The following VWA3B variants were observed in gnomAD, a reference collection of about 807,000 sequenced individuals.
The protein encoded by VWA3B is von Willebrand factor A domain-containing protein 3B.
Under a neutral mutation model 158.3 loss-of-function variants are expected in VWA3B, and 138 were observed. That is an observed-to-expected ratio of 0.87 (90% confidence interval 0.76 to 1.00). VWA3B has a LOEUF of 1.00. Among genes scored for constraint, VWA3B ranks in the 50% least tolerant of loss-of-function variants. The probability of loss-of-function intolerance (pLI) is 0.00; values close to 1 mark genes in which losing one functional copy is unlikely to be tolerated. For synonymous variants in VWA3B, 596 were observed against 587.3 expected (o/e 1.01, Z -0.21); for missense variants, 1,555 against 1,565.1 (o/e 0.99, Z 0.11).
At chr2:98,142,351 G>T (rs73963241) in intron 7 of VWA3B, among the ~76,000 whole-genome samples, 11,697 of 152,100 alleles carry the variant, frequency 0.077, 483 homozygotes, top group East Asian at 0.11. Context: ...TTCTCTTGGG[G>T]CCTGTCTCCT....
chr2:98,204,276 T>C (rs1682821993), intron 12 of VWA3B, among the ~76,000 whole-genome samples: 1 of 152,318 alleles, frequency 6.6e-6, no homozygotes, highest in East Asian at 1.9e-4. Context: ...TTGCAGCGGA[T>C]AGAACTTCCA....
intron 21 of VWA3B, among the ~76,000 whole-genome samples, chr2:98,263,666 C>T (rs1434090202): frequency 1.3e-5 from 2 of 151,970 alleles, no homozygotes; most frequent in Non-Finnish European, 2.9e-5. Context: ...ATTTTTGCAT[C>T]ACTGTTCACC....
intron 12 of VWA3B, among the ~76,000 whole-genome samples, chr2:98,196,239 T>C (rs1284441040): frequency 6.6e-6 from 1 of 152,164 alleles, no homozygotes; most frequent in Non-Finnish European, 1.5e-5. Flanking sequence ...ATGTATTGTA[T>C]ACTTGAAAAT....
At chr2:98,266,487 C>T (rs1368562689) in intron 21 of VWA3B, among the ~76,000 whole-genome samples, 1 of 150,882 alleles carries the variant, frequency 6.6e-6, no homozygotes, top group East Asian at 1.9e-4. Context: ...TGTGATGCCT[C>T]CAGCTTTGTT....
intron 7 of VWA3B, among the ~76,000 whole-genome samples, chr2:98,150,058 T>C (rs1677499012): frequency 6.6e-6 from 1 of 152,266 alleles, no homozygotes; most frequent in South Asian, 2.1e-4. Flanking sequence ...TTATCAACTT[T>C]TAGGCCTCAT....
chr2:98,212,812 T>A (rs929521111), intron 13 of VWA3B, among the ~76,000 whole-genome samples: 27 of 37,518 alleles, frequency 7.2e-4, no homozygotes, highest in African/African-American at 2.7e-3. Flanking sequence ...TTATTTAAAA[T>A]TTTTTTTCCT....
chr2:98,231,096 T>C (rs1263094453), intron 16 of VWA3B, among the ~76,000 whole-genome samples: 1 of 152,236 alleles, frequency 6.6e-6, no homozygotes, highest in African/African-American at 2.4e-5. Context: ...CAGAATCTGT[T>C]TGCTGAAAAT....
Position 98,188,092 on chromosome 2 carries a change from G to C in VWA3B, c.1429G>C (p.Glu477Gln). ...CAAAGAGAAGTGCAAGTGGTACAGT[G>C]AGAGAATCCACACAGCCCTGGCCCG... ...ITKEKCKWYS[E>Q]RIHTALARIR... is the part of the protein sequence containing the mutation. The change falls in exon 10 of 28, where the codon GAG (glutamate) becomes CAG (glutamine). Residue 477 changes from glutamate to glutamine, a missense_variant. Transcript: ENST00000477737. 1 of 1,613,932 alleles carries C rather than the reference G, an allele frequency of 6.2e-7. No homozygotes were observed. The highest frequency in any genetic ancestry group is 8.5e-7 in the Non-Finnish European group (1 of 1,179,884).
At position 98,234,725 on chromosome 2, in the gene VWA3B, C is replaced by A. The variant is rs763669671; in HGVS notation, c.2386C>A (p.Leu796Ile). The A allele has an allele frequency of 1.3e-5, 21 of 1,614,066 alleles. No individual in the cohort carries two copies. Among genetic ancestry groups the A allele is most frequent in the Non-Finnish European group, 1.8e-5 (21 of 1,180,044 alleles). The change falls in exon 17 of 28, where the codon CTC becomes ATC. Residue 796 changes from leucine to isoleucine, a missense_variant. Leu to Ile is a conservative substitution (Grantham distance 5). Coordinates refer to ENST00000477737, the MANE Select transcript of VWA3B (RefSeq NM_144992.5). ...SSACSERKDG[L>I]SNASSRRTAL... The stretch of plus-strand genomic sequence containing the variant: ...AGCTTGCAGTGAAAGGAAGGATGGC[C>A]TCTCCAATGCCAGCAGCCGGAGGAC...
intron 14 of VWA3B, among the ~76,000 whole-genome samples, chr2:98,227,296 T>C (rs1684993516): frequency 6.6e-6 from 1 of 152,062 alleles, no homozygotes; most frequent in African/African-American, 2.4e-5. Flanking sequence ...CCATTCACAA[T>C]TGCTATAAAG....
At chr2:98,239,620 G>A (rs1445847461) in intron 19 of VWA3B, among the ~76,000 whole-genome samples, 1 of 151,452 alleles carries the variant, frequency 6.6e-6, no homozygotes, top group Non-Finnish European at 1.5e-5. Context: ...AAAATGTTAA[G>A]AAAAACAGAC....
At chr2:98,230,676 C>T (rs1317724126) in intron 16 of VWA3B, among the ~76,000 whole-genome samples, 5 of 152,156 alleles carry the variant, frequency 3.3e-5, no homozygotes, top group South Asian at 2.1e-4. Flanking sequence ...CTCCCTTGCA[C>T]ACCCTTCCTA....
chr2:98,216,264 T>A (rs910830450), intron 13 of VWA3B, among the ~76,000 whole-genome samples: 5 of 152,258 alleles, frequency 3.3e-5, no homozygotes, highest in Non-Finnish European at 5.9e-5. Flanking sequence ...ATTGGATAAG[T>A]GTCCTTTGGT....
At chr2:98,092,814 TTGTATATA>T (rs1682419201) in intron 1 of VWA3B, among the ~76,000 whole-genome samples, 3 of 84,964 alleles carry the variant, frequency 3.5e-5, no homozygotes, top group Non-Finnish European at 7.1e-5. Context: ...CTAGATGTTT[TTGTATATA>T]TATATATATA....
At chr2:98,162,319 A>T (rs1002552669) in intron 7 of VWA3B, among the ~76,000 whole-genome samples, 2 of 152,186 alleles carry the variant, frequency 1.3e-5, no homozygotes, top group Non-Finnish European at 1.5e-5. Flanking sequence ...ATGTCATTTT[A>T]AAAAAGTGTT....
rs370957308 is a variant in VWA3B, at chr2:98,230,152, G to A, written c.2253G>A (p.Lys751=). 1.9e-5 allele frequency: 31 copies of A among 1,607,872 alleles called. No homozygotes were observed. The highest frequency in any genetic ancestry group is 2.5e-5 in the Non-Finnish European group (30 of 1,178,536). Residue 751 remains lysine, a synonymous_variant, in exon 16 of 28, where the codon AAG becomes AAA. Transcript: ENST00000477737. ...AAACTTCATCTCTGAATATGTTGAA[G>A]GGACCATGGGGCCTTTCAGATCAAA... ...STQTSSLNML[K]GPWGLSDQKV... is the part of the protein sequence containing the mutation.
At chr2:98,133,741 G>A in intron 6 of VWA3B, 83 bp from the exon 7 acceptor site, 1 of 1,183,014 alleles carries the variant, frequency 8.5e-7, no homozygotes, top group South Asian at 1.3e-5. Flanking sequence ...CTGCCGAAGA[G>A]CACGTTCAGT....
chr2:98,112,302 GGGT>G lies in VWA3B; in HGVS notation c.197-3348_197-3346del, dbSNP rs1573792505. Among the ~76,000 whole-genome samples, 224 of 148,320 alleles carry G rather than the reference GGGT, an allele frequency of 1.5e-3. 1 individual carries two copies. Among genetic ancestry groups the G allele is most frequent in the African/African-American group, 5.1e-3 (204 of 39,912 alleles). ...TTGGGGTGTGTGTGTGTGTGTGTGT[GGGT>G]GTGTGTGTGTGTGTGTGTGTTTTAC... On this transcript the variant is annotated intron_variant, in intron 2 of 27. Coordinates refer to ENST00000477737, the MANE Select transcript of VWA3B (RefSeq NM_144992.5).
chr2:98,120,836 C>T (rs1311966112), intron 4 of VWA3B, among the ~76,000 whole-genome samples: 1 of 152,030 alleles, frequency 6.6e-6, no homozygotes, highest in East Asian at 1.9e-4. Context: ...AGAAGGCAAC[C>T]TATGGGAATC....
Sources: gnomAD v4.1 joint callset for allele counts (sites outside exome capture counted in the v4.1 genomes callset) on GRCh38, gnomAD v4.1.1 for gene constraint, MANE v1.5 for transcripts, NCBI Gene and HGNC (gene_info 2026-07-23, HGNC 2026-07-21) for gene names.